The following ANK1 variants were observed in gnomAD, a reference collection of about 807,000 sequenced individuals.
ANK1 encodes ankyrin-1.
ANK1 carries 51 observed loss-of-function variants against 210.4 expected under a neutral mutation model. The observed-to-expected ratio is 0.24, with a 90% CI of 0.19 to 0.31. ANK1 has a LOEUF of 0.31. Ranked by LOEUF, ANK1 falls within the 10% of genes least tolerant of loss-of-function variation. The pLI is 1.00. For synonymous variants in ANK1, 967 were observed against 1,025.9 expected, an observed-to-expected ratio of 0.94 and a Z score of 1.10; for missense variants, 2,051 against 2,504.4, an observed-to-expected ratio of 0.82 and a Z score of 3.86.
At chr8:41,688,125 A>G (rs373843523) in intron 35 of ANK1, 31 bp downstream of exon 35, 1 of 1,606,736 alleles carries the variant, frequency 6.2e-7, no homozygotes, top group Non-Finnish European at 8.5e-7. Context: ...AGATGGACAA[A>G]GTGCTTTTCT....
chr8:41,827,838 T>G (rs1236376343), intron 1 of ANK1, among the ~76,000 whole-genome samples: 1 of 133,080 alleles, frequency 7.5e-6, no homozygotes, highest in Non-Finnish European at 1.6e-5. Flanking sequence ...CACTCACACA[T>G]GCACACACGC....
intron 22 of ANK1, among the ~76,000 whole-genome samples, chr8:41,700,838 C>G (rs1822564087): frequency 6.6e-6 from 1 of 152,192 alleles, no homozygotes; most frequent in African/African-American, 2.4e-5. Context: ...TTACAGCTCA[C>G]TGCAGCCTCA....
chr8:41,833,419 C>T (rs1807045880), intron 1 of ANK1, among the ~76,000 whole-genome samples: 1 of 152,172 alleles, frequency 6.6e-6, no homozygotes, highest in South Asian at 2.1e-4. Flanking sequence ...TTTATTTTGC[C>T]ATTAACAAAG....
At chr8:41,893,805 T>C (rs959956953) in intron 1 of ANK1, among the ~76,000 whole-genome samples, 2 of 152,230 alleles carry the variant, frequency 1.3e-5, no homozygotes, top group Admixed American at 1.3e-4. Context: ...CTCTGTAGTC[T>C]GTGTGAGCAG....
intron 1 of ANK1, among the ~76,000 whole-genome samples, chr8:41,760,366 T>G (rs1280086801): frequency 6.6e-6 from 1 of 152,174 alleles, no homozygotes. Context: ...GAGACCCCCC[T>G]GCACATACTC....
In ANK1 at chr8:41,723,899, C is replaced by T. The variant is rs555107266; in HGVS notation, c.712-266G>A. 3.1e-4 allele frequency among the ~76,000 whole-genome samples: 47 copies of T among 151,468 alleles called. No individual in the cohort carries two copies. The South Asian group carries it at 8.2e-3, about 26-fold the overall frequency. ...CCGCCTCCCGGGTTCACGCCATTCT[C>T]CTGCCTCAGCCTCCTGTGTAGCTGG... On this transcript the variant is annotated intron_variant, in intron 7 of 42. Transcript: ENST00000289734.
At chr8:41,690,105 C>A in intron 33 of ANK1, 122 bp downstream of exon 33, 2 of 1,493,572 alleles carry the variant, frequency 1.3e-6, no homozygotes, top group South Asian at 2.4e-5. Flanking sequence ...TTGCATGCCT[C>A]GGGGGACTCT....
In ANK1 at chr8:41,797,368, C is replaced by G; in HGVS notation, c.27+144G>C. On this transcript the variant is annotated intron_variant, in intron 1 of 42. Coordinates refer to ENST00000289734, the MANE Select transcript of ANK1 (RefSeq NM_000037.4). The surrounding 1 kb of genome is among the most constrained non-coding windows in gnomAD (Gnocchi z 4.0). ...CTTCAGCTACAAGGTCGATGTGCCGCTATGCTAAGGCAGGGAGCCCACGGG... is the reference window on the plus strand; with the variant it reads ...CTTCAGCTACAAGGTCGATGTGCCGGTATGCTAAGGCAGGGAGCCCACGGG... The G allele has an allele frequency of 1.4e-6, 1 of 701,344 alleles. No individual in the cohort carries two copies. Among genetic ancestry groups the G allele is most frequent in the East Asian group, 2.8e-5 (1 of 35,488 alleles). 43.4% of individuals were successfully genotyped at this position (701,344 alleles called of 1,614,324 possible). A position where few individuals can be genotyped will look rare whatever the true frequency, so the allele number is the denominator to read the frequency against.
chr8:41,724,306 G>T (rs770332195), intron 7 of ANK1, 150 bp downstream of exon 7: 2 of 722,236 alleles, frequency 2.8e-6, no homozygotes, highest in Non-Finnish European at 4.9e-6. Flanking sequence ...TAGATGATCA[G>T]AAACCTGCCA....
chr8:41,678,476 T>A (rs1187217694), intron 37 of ANK1, among the ~76,000 whole-genome samples: 1 of 152,242 alleles, frequency 6.6e-6, no homozygotes, highest in East Asian at 1.9e-4. Context: ...TTCCTTCTTT[T>A]CTGTTGGGAA....
At chr8:41,709,488 G>T (rs529770030) in intron 16 of ANK1, among the ~76,000 whole-genome samples, 3 of 152,366 alleles carry the variant, frequency 2.0e-5, no homozygotes, top group African/African-American at 7.2e-5. Flanking sequence ...TTAACTACCT[G>T]TGTGACCCAG....
intron 42 of ANK1, among the ~76,000 whole-genome samples, chr8:41,658,232 C>T (rs1389997053): frequency 2.0e-5 from 3 of 152,160 alleles, no homozygotes; most frequent in Admixed American, 2.0e-4. Context: ...AAGGGAAATG[C>T]TGGCATTATT....
upstream of ANK1, among the ~76,000 whole-genome samples, chr8:41,801,576 T>C (rs1435822917): frequency 2.6e-5 from 4 of 152,240 alleles, no homozygotes; most frequent in African/African-American, 2.4e-5. Context: ...TAAAATGGTA[T>C]GGTGTGGTGC....
chr8:41,780,885 G>A (rs1052141333), intron 1 of ANK1, among the ~76,000 whole-genome samples: 1 of 152,132 alleles, frequency 6.6e-6, no homozygotes, highest in Non-Finnish European at 1.5e-5. Flanking sequence ...GTGGGTCCCA[G>A]GGGGTTAGTT....
chr8:41,779,965 A>G (rs1844928643), intron 1 of ANK1, among the ~76,000 whole-genome samples: 1 of 152,248 alleles, frequency 6.6e-6, no homozygotes, highest in Admixed American at 6.5e-5. Context: ...GCCATGAGAC[A>G]GAGCCTAGGG....
intron 6 of ANK1, 103 bp from the exon 7 acceptor site, chr8:41,724,657 C>T (rs1387115753): frequency 1.0e-5 from 11 of 1,055,936 alleles, no homozygotes; most frequent in Non-Finnish European, 1.6e-5. Context: ...CAGGACTTTA[C>T]AGACAAAGGA....
intron 22 of ANK1, 47 bp from the exon 23 acceptor site, chr8:41,699,595 G>A (rs1434165173): frequency 1.3e-6 from 2 of 1,570,948 alleles, no homozygotes; most frequent in Admixed American, 1.7e-5. Flanking sequence ...AGGAAGAAGA[G>A]TCCCTCTTTT....
intron 1 of ANK1, among the ~76,000 whole-genome samples, chr8:41,771,767 G>A (rs1374480178): frequency 1.3e-5 from 2 of 152,338 alleles, no homozygotes; most frequent in East Asian, 3.9e-4. Flanking sequence ...TGATGTGGGA[G>A]AGAAGAAAGG....
intron 20 of ANK1, 71 bp from the exon 21 acceptor site, chr8:41,702,215 C>G: frequency 1.5e-6 from 2 of 1,320,990 alleles, no homozygotes; most frequent in Non-Finnish European, 1.1e-6. Context: ...GCTCCCTAGA[C>G]ACAGATCGAG....
Sources: gnomAD v4.1 joint callset for allele counts (sites outside exome capture counted in the v4.1 genomes callset) on GRCh38, gnomAD v4.1.1 for gene constraint, Gnocchi (gnomAD v3.1) non-coding constraint, MANE v1.5 for transcripts, NCBI Gene and HGNC (gene_info 2026-07-23, HGNC 2026-07-21) for gene names.